PHACTR1: variants seen among roughly 807,000 people sequenced by gnomAD.
PHACTR1 encodes RPEL repeat containing 1.
PHACTR1 carries 16 observed loss-of-function variants against 69.2 expected under a neutral mutation model. The ratio of observed to expected loss-of-function variants is 0.23; its 90% CI spans 0.16 to 0.35. The LOEUF (loss-of-function observed/expected upper bound fraction) is 0.35, where lower values mean the gene tolerates loss of function less well. Ranked by LOEUF, PHACTR1 falls within the 10% of genes least tolerant of loss-of-function variation. The probability of loss-of-function intolerance (pLI) is 1.00; values close to 1 mark genes in which losing one functional copy is unlikely to be tolerated. For synonymous variants in PHACTR1, 312 were observed against 284.5 expected, an observed-to-expected ratio of 1.10 and a Z score of -0.97; for missense variants, 510 against 734.7, an observed-to-expected ratio of 0.69 and a Z score of 3.54.
chr6:12,917,505 T>C (rs960759533), intron 4 of PHACTR1, among the ~76,000 whole-genome samples: 6 of 152,102 alleles, frequency 3.9e-5, no homozygotes, highest in African/African-American at 1.4e-4. Context: ...ATAATCCCAG[T>C]GCTTTGGGAG....
intron 5 of PHACTR1, among the ~76,000 whole-genome samples, chr6:13,144,771 AG>A (rs61174147): frequency 0.89 from 112,153 of 126,310 alleles, 50,051 homozygotes; most frequent in Non-Finnish European, 0.95. Flanking sequence ...ACCCTGTCTC[AG>A]AAAAAAAAAA....
chr6:12,819,972 C>A (rs73360088), intron 4 of PHACTR1, among the ~76,000 whole-genome samples: 1 of 152,112 alleles, frequency 6.6e-6, no homozygotes, highest in Non-Finnish European at 1.5e-5. Context: ...TGCCTAAATA[C>A]GTAGCAACTC....
At chr6:12,957,255 CAAAAAA>C in intron 4 of PHACTR1, 4 of 271,318 alleles carry the variant, frequency 1.5e-5, no homozygotes, top group African/African-American at 3.3e-5. Context: ...AACAAATACT[CAAAAAA>C]AAAAAAAAAA....
At chr6:13,241,287 A>C (rs952097926) in intron 10 of PHACTR1, among the ~76,000 whole-genome samples, 10 of 152,188 alleles carry the variant, frequency 6.6e-5, no homozygotes, top group African/African-American at 2.4e-4. Context: ...AATGTGGGGA[A>C]CAGAGGTCCA....
At chr6:12,897,541 T>C (rs915198532) in intron 4 of PHACTR1, among the ~76,000 whole-genome samples, 5 of 152,128 alleles carry the variant, frequency 3.3e-5, no homozygotes, top group Admixed American at 2.0e-4. Flanking sequence ...CCCCCTACTC[T>C]GGCACACACA....
At chr6:12,878,071 G>A (rs1437902775) in intron 4 of PHACTR1, among the ~76,000 whole-genome samples, 2 of 152,160 alleles carry the variant, frequency 1.3e-5, no homozygotes, top group Non-Finnish European at 2.9e-5. Flanking sequence ...GCTCTTTGAG[G>A]CCAAAATCAT....
intron 4 of PHACTR1, among the ~76,000 whole-genome samples, chr6:12,997,893 CAGTG>C (rs1390699045): frequency 9.2e-5 from 14 of 152,066 alleles, no homozygotes. Flanking sequence ...GCAGAGCTTG[CAGTG>C]AGCCGAGATC....
At chr6:13,155,657 A>C (rs1262516734) in intron 5 of PHACTR1, among the ~76,000 whole-genome samples, 1 of 152,210 alleles carries the variant, frequency 6.6e-6, no homozygotes, top group African/African-American at 2.4e-5. Context: ...TGGGAGGCCA[A>C]GGCGGGCAGA....
chr6:13,285,970 G>T (rs368590), intron 13 of PHACTR1, among the ~76,000 whole-genome samples, 176 bp from the exon 14 acceptor site: 38,197 of 152,078 alleles, frequency 0.25, 8,052 homozygotes, highest in African/African-American at 0.57. Flanking sequence ...GGAAGGAGGG[G>T]AATCTTTGTT....
intron 5 of PHACTR1, among the ~76,000 whole-genome samples, chr6:13,094,304 T>TC (rs1222688694): frequency 2.6e-5 from 4 of 151,768 alleles, no homozygotes; most frequent in Middle Eastern, 3.4e-3. Flanking sequence ...AAGTGTCTTT[T>TC]TTTTTTTTGA....
intron 4 of PHACTR1, chr6:12,957,528 A>G (rs1026744572): frequency 3.0e-6 from 3 of 985,328 alleles, no homozygotes; most frequent in Admixed American, 6.2e-5. Context: ...GCTTCTAAGG[A>G]CTGGGGCTCT....
chr6:12,727,435 C>T (rs976787602), intron 3 of PHACTR1, among the ~76,000 whole-genome samples: 4 of 152,090 alleles, frequency 2.6e-5, no homozygotes, highest in African/African-American at 9.7e-5. Context: ...GTGCCTTTGC[C>T]CCTAGCAAGG....
At chr6:12,927,846 C>T (rs947366477) in intron 4 of PHACTR1, among the ~76,000 whole-genome samples, 6 of 152,174 alleles carry the variant, frequency 3.9e-5, no homozygotes, top group African/African-American at 1.4e-4. Flanking sequence ...AGGAACAGGG[C>T]GAGCTCAGCC....
chr6:12,787,570 T>C (rs544617666), intron 4 of PHACTR1, among the ~76,000 whole-genome samples: 33 of 152,320 alleles, frequency 2.2e-4, no homozygotes, highest in Admixed American at 2.1e-3. Context: ...AACTTGCCTT[T>C]TGACAAAAGT....
chr6:12,776,749 G>A (rs1770112058), intron 4 of PHACTR1, among the ~76,000 whole-genome samples: 1 of 152,144 alleles, frequency 6.6e-6, no homozygotes, highest in South Asian at 2.1e-4. Context: ...GAAACCTCAA[G>A]TACTAGTTAT....
intron 4 of PHACTR1, among the ~76,000 whole-genome samples, chr6:12,791,118 A>G (rs969613427): frequency 6.6e-6 from 1 of 152,208 alleles, no homozygotes; most frequent in Non-Finnish European, 1.5e-5. Flanking sequence ...GCAATTTTGT[A>G]TAATAGGAAA....
chr6:13,236,484 C>T (rs1180562638), intron 10 of PHACTR1, among the ~76,000 whole-genome samples: 1 of 152,176 alleles, frequency 6.6e-6, no homozygotes, highest in East Asian at 1.9e-4. Flanking sequence ...CTGAGGGCTG[C>T]GAGGGAGCAT....
chr6:13,196,420 C>CTTTTTTTTTTGTTTTTTTTTTT (rs555707385), intron 7 of PHACTR1: 1 of 135,816 alleles, frequency 7.4e-6, no homozygotes, highest in Non-Finnish European at 1.5e-5. Flanking sequence ...GGTTTTCTTT[C>CTTTTTTTTTTGTTTTTTTTTTT]TTTTTTTTTT....
At chr6:13,237,428 C>T (rs367741737) in intron 10 of PHACTR1, among the ~76,000 whole-genome samples, 17 of 152,030 alleles carry the variant, frequency 1.1e-4, no homozygotes, top group Admixed American at 8.5e-4. Flanking sequence ...TGAATTCAGC[C>T]CAATGACTCC....
Sources: gnomAD v4.1 joint callset for allele counts (sites outside exome capture counted in the v4.1 genomes callset) on GRCh38, gnomAD v4.1.1 for gene constraint, MANE v1.5 for transcripts, NCBI Gene and HGNC (gene_info 2026-07-23, HGNC 2026-07-21) for gene names.